Variants in MBD5 observed in about 807,000 individuals in gnomAD.
The protein encoded by MBD5 is methyl-CpG binding domain protein 5.
MBD5 carries 13 observed loss-of-function variants against 117.3 expected under a neutral mutation model. That is an observed-to-expected ratio of 0.11 (90% CI 0.07 to 0.18). The LOEUF (loss-of-function observed/expected upper bound fraction) is 0.18. Ranked by LOEUF, MBD5 falls within the 10% of genes least tolerant of loss-of-function variation. The pLI is 1.00. For missense variants in MBD5, 1,879 were observed against 2,093.8 expected, an observed-to-expected ratio of 0.90 and a Z score of 2.00; for synonymous variants, 727 against 766.4, an observed-to-expected ratio of 0.95 and a Z score of 0.85.
rs1064796951 is a variant in MBD5, at chr2:148,469,360, A to G, written c.1417A>G (p.Met473Val). Residue 473 changes from methionine to valine, a missense_variant, in exon 8 of 14, where the codon ATG becomes GTG. Coordinates refer to ENST00000642680, the MANE Select transcript of MBD5 (RefSeq NM_001378120.1). ...SSTSSDHGNF[M>V]MPPVGPQATS... Reference sequence around the variant, plus strand: ...CACATCATCAGATCATGGAAATTTCATGATGCCACCTGTAGGACCCCAGGC... The same window carrying G: ...CACATCATCAGATCATGGAAATTTCGTGATGCCACCTGTAGGACCCCAGGC... 6.8e-6 allele frequency: 11 copies of G among 1,613,574 alleles called. No individual in the cohort carries two copies. The highest frequency in any genetic ancestry group is 6.7e-5 in the East Asian group (3 of 44,842).
At chr2:148,057,305 C>T (rs966971320) in intron 1 of MBD5, among the ~76,000 whole-genome samples, 3 of 151,774 alleles carry the variant, frequency 2.0e-5, no homozygotes, top group East Asian at 1.9e-4. Flanking sequence ...TATACTTTCT[C>T]ATTAATTTTC....
intron 4 of MBD5, among the ~76,000 whole-genome samples, chr2:148,451,180 G>A (rs1281025628): frequency 6.6e-6 from 1 of 152,118 alleles, no homozygotes; most frequent in Non-Finnish European, 1.5e-5. Flanking sequence ...AAGTAAATGT[G>A]CTAGGGGTAG....
At chr2:148,403,562 T>C (rs1448878398) in intron 4 of MBD5, among the ~76,000 whole-genome samples, 1 of 152,216 alleles carries the variant, frequency 6.6e-6, no homozygotes, top group African/African-American at 2.4e-5. Flanking sequence ...TAACTAAAAA[T>C]TTAATTGATT....
At chr2:148,034,582 CATT>C (rs1694135342) in intron 1 of MBD5, among the ~76,000 whole-genome samples, 1 of 152,184 alleles carries the variant, frequency 6.6e-6, no homozygotes, top group African/African-American at 2.4e-5. Context: ...TTGCGCCACT[CATT>C]GTGCTAAAAG....
At chr2:148,493,816 G>A (rs73965440) in intron 11 of MBD5, among the ~76,000 whole-genome samples, 3,426 of 152,234 alleles carry the variant, frequency 0.023, 129 homozygotes, top group African/African-American at 0.077. Context: ...TTTAGACATC[G>A]AATACTGTAT....
chr2:148,352,428 A>G (rs1192847724), intron 4 of MBD5, among the ~76,000 whole-genome samples: 1 of 152,032 alleles, frequency 6.6e-6, no homozygotes, highest in African/African-American at 2.4e-5. Flanking sequence ...CAATATAACA[A>G]ACAAGTTAGT....
chr2:148,260,045 T>C (rs35194618), intron 3 of MBD5, among the ~76,000 whole-genome samples: 33,241 of 152,134 alleles, frequency 0.22, 4,145 homozygotes, highest in East Asian at 0.53. Flanking sequence ...TTGCTGAATG[T>C]TGGGTTGTCT....
intron 1 of MBD5, among the ~76,000 whole-genome samples, chr2:148,074,507 G>GGTTTTTTTTTTGT (rs1553469621): frequency 8.8e-6 from 1 of 113,772 alleles, no homozygotes; most frequent in Non-Finnish European, 1.7e-5. Flanking sequence ...TTTTTTTTTT[G>GGTTTTTTTTTTGT]TTTTTTTTTT....
intron 8 of MBD5, chr2:148,471,828 T>C (rs1680807147): frequency 6.6e-6 from 1 of 152,092 alleles, no homozygotes; most frequent in Admixed American, 6.6e-5. Flanking sequence ...ACTTATCCCA[T>C]AGGGGGCTTC....
intron 4 of MBD5, among the ~76,000 whole-genome samples, chr2:148,366,133 C>T (rs1008701004): frequency 2.0e-5 from 3 of 152,118 alleles, no homozygotes; most frequent in Non-Finnish European, 2.9e-5. Flanking sequence ...CCACCATGAT[C>T]GAGTCGACTT....
chr2:148,097,148 GA>G (rs1242279237), intron 1 of MBD5, among the ~76,000 whole-genome samples: 1 of 151,924 alleles, frequency 6.6e-6, no homozygotes, highest in Non-Finnish European at 1.5e-5. Context: ...TATGTTAAGT[GA>G]AAAAAATAGG....
At chr2:148,194,950 G>T (rs1266221729) in intron 2 of MBD5, among the ~76,000 whole-genome samples, 1 of 151,904 alleles carries the variant, frequency 6.6e-6, no homozygotes, top group Non-Finnish European at 1.5e-5. Context: ...ACAACTCCAG[G>T]GGTTGGCAAA....
chr2:148,031,636 G>C (rs1694042874), intron 1 of MBD5, among the ~76,000 whole-genome samples: 1 of 151,994 alleles, frequency 6.6e-6, no homozygotes, highest in African/African-American at 2.4e-5. Context: ...GTTTCGAAAA[G>C]AAAGAAGTAG....
intron 1 of MBD5, among the ~76,000 whole-genome samples, chr2:148,037,438 T>C (rs1039614467): frequency 6.6e-6 from 1 of 151,970 alleles, no homozygotes; most frequent in Non-Finnish European, 1.5e-5. Flanking sequence ...ATTAAACCAC[T>C]TTAAATGTCT....
intron 1 of MBD5, among the ~76,000 whole-genome samples, chr2:148,092,238 G>A (rs1275714055): frequency 6.6e-6 from 1 of 152,182 alleles, no homozygotes; most frequent in South Asian, 2.1e-4. Flanking sequence ...TACAACCACT[G>A]TGGAAAACAG....
chr2:148,190,810 G>T (rs147221527), intron 2 of MBD5, among the ~76,000 whole-genome samples: 1,363 of 53,972 alleles, frequency 0.025, 55 homozygotes, highest in African/African-American at 0.07. Flanking sequence ...ACACAGACTG[G>T]CAAGTTGGAT....
chr2:148,397,339 T>C (rs1225154624), intron 4 of MBD5, among the ~76,000 whole-genome samples: 1 of 116,892 alleles, frequency 8.6e-6, no homozygotes, highest in South Asian at 3.0e-4. Context: ...TTTTTTTTTT[T>C]TTTTTTTTGA....
intron 4 of MBD5, among the ~76,000 whole-genome samples, chr2:148,418,477 A>G (rs1705495550): frequency 6.6e-6 from 1 of 152,212 alleles, no homozygotes; most frequent in Non-Finnish European, 1.5e-5. Context: ...AGAAAACACT[A>G]AAGAGTCCTC....
In MBD5 at chr2:148,240,204, G is replaced by A. The variant is rs567885053; in HGVS notation, c.-680+6809G>A. Among the ~76,000 whole-genome samples the A allele has an allele frequency of 1.7e-4, 26 of 152,230 alleles. No homozygotes were observed. The South Asian group carries it at 5.4e-3, about 32-fold the overall frequency. On this transcript the variant is annotated intron_variant, in intron 3 of 13. Coordinates refer to ENST00000642680, the MANE Select transcript of MBD5 (RefSeq NM_001378120.1). ...ACACTGCATGTTCTCACTCACAGGT[G>A]GGAATTGAACAATGAGAACGCTTGG...
Sources: allele counts gnomAD v4.1 joint callset (sites outside exome capture counted in the v4.1 genomes callset), GRCh38; gene constraint gnomAD v4.1.1; transcripts MANE v1.5; gene names NCBI Gene and HGNC (gene_info 2026-07-23, HGNC 2026-07-21).